Variants in GRM7 observed in about 807,000 individuals in gnomAD.
The protein encoded by GRM7 is metabotropic glutamate receptor 7.
In GRM7, 35 loss-of-function variants were observed where a neutral mutation model predicts 84.5. The observed-to-expected ratio is 0.41, with a 90% CI of 0.32 to 0.55. The LOEUF is 0.55. GRM7 is among the 20% of genes least tolerant of loss of function. The probability of loss-of-function intolerance (pLI) is 0.19; values close to 1 mark genes in which losing one functional copy is unlikely to be tolerated. For missense variants in GRM7, 1,003 were observed against 1,194.6 expected, an observed-to-expected ratio of 0.84 and a Z score of 2.36; for synonymous variants, 487 against 455.1, an observed-to-expected ratio of 1.07 and a Z score of -0.89.
At chr3:7,038,039 A>G (rs985179640) in intron 1 of GRM7, among the ~76,000 whole-genome samples, 1 of 152,214 alleles carries the variant, frequency 6.6e-6, no homozygotes, top group Admixed American at 6.5e-5. Flanking sequence ...ATTTCAGTCA[A>G]TAAAAAGGGC....
intron 4 of GRM7, among the ~76,000 whole-genome samples, chr3:7,386,273 T>C (rs1036911324): frequency 1.3e-5 from 2 of 152,242 alleles, no homozygotes; most frequent in Non-Finnish European, 2.9e-5. Context: ...TCTTTTTTAA[T>C]GTTTTTAAAA....
At chr3:7,075,585 G>A (rs1159670580) in intron 1 of GRM7, among the ~76,000 whole-genome samples, 1 of 150,274 alleles carries the variant, frequency 6.7e-6, no homozygotes, top group Non-Finnish European at 1.5e-5. Context: ...GGCTGGAGTG[G>A]CATGATCTCA....
At chr3:7,406,123 T>C (rs1004727417) in intron 4 of GRM7, among the ~76,000 whole-genome samples, 1 of 152,166 alleles carries the variant, frequency 6.6e-6, no homozygotes, top group African/African-American at 2.4e-5. Flanking sequence ...TATTTAATCA[T>C]GTGTTTTGGG....
intron 1 of GRM7, among the ~76,000 whole-genome samples, chr3:7,052,720 G>GTTTT (rs372132445): frequency 9.8e-6 from 1 of 101,564 alleles, no homozygotes; most frequent in Admixed American, 9.4e-5. Context: ...AGTATCGGTA[G>GTTTT]TTTTTTTTTT....
chr3:7,149,796 G>A (rs1013771204), intron 2 of GRM7, among the ~76,000 whole-genome samples: 15 of 152,188 alleles, frequency 9.9e-5, no homozygotes, highest in Admixed American at 8.5e-4. Context: ...ATAAGATGGT[G>A]CATGGGGAAG....
chr3:7,011,526 A>G (rs938880175), intron 1 of GRM7, among the ~76,000 whole-genome samples: 3 of 152,164 alleles, frequency 2.0e-5, no homozygotes, highest in Non-Finnish European at 2.9e-5. Flanking sequence ...CTTTGCATGC[A>G]CTTTTTATAC....
chr3:7,288,913 T>C (rs1428495010), intron 2 of GRM7, among the ~76,000 whole-genome samples: 2 of 152,176 alleles, frequency 1.3e-5, no homozygotes, highest in Non-Finnish European at 2.9e-5. Flanking sequence ...GTTTTCTGGA[T>C]GGATCCCACA....
intron 1 of GRM7, among the ~76,000 whole-genome samples, chr3:6,943,885 G>A (rs1243349504): frequency 2.0e-5 from 3 of 151,978 alleles, no homozygotes; most frequent in African/African-American, 7.2e-5. Flanking sequence ...AAGTGTACGG[G>A]TGTTGTACAT....
intron 9 of GRM7, chr3:7,682,377 G>T (rs1265024090): frequency 1.4e-5 from 2 of 146,434 alleles, no homozygotes; most frequent in South Asian, 2.2e-4. Flanking sequence ...AAAAAGAGAA[G>T]AATTTATATG....
At chr3:7,221,956 G>C (rs149748055) in intron 2 of GRM7, among the ~76,000 whole-genome samples, 1 of 151,526 alleles carries the variant, frequency 6.6e-6, no homozygotes. Context: ...ATAGGCACCC[G>C]CTACCACACC....
chr3:7,027,230 C>T (rs1191709603), intron 1 of GRM7, among the ~76,000 whole-genome samples: 1 of 152,146 alleles, frequency 6.6e-6, no homozygotes, highest in African/African-American at 2.4e-5. Context: ...GGACCACAAA[C>T]TGCTGGCTCA....
intron 9 of GRM7, chr3:7,680,895 A>C (rs1700341501): frequency 6.5e-6 from 1 of 152,894 alleles, no homozygotes. Flanking sequence ...ATTCTATGCA[A>C]GACAAACCTT....
intron 8 of GRM7, among the ~76,000 whole-genome samples, chr3:7,665,311 A>G (rs944275846): frequency 1.3e-5 from 2 of 151,540 alleles, no homozygotes; most frequent in African/African-American, 2.4e-5. Flanking sequence ...AGCTGGGACT[A>G]CAGGTGCCCG....
chr3:7,439,120 C>A (rs550499635), intron 5 of GRM7, among the ~76,000 whole-genome samples: 1 of 152,172 alleles, frequency 6.6e-6, no homozygotes, highest in East Asian at 1.9e-4. Flanking sequence ...CCCTGAGACT[C>A]ATAAGGAGGG....
chr3:7,030,419 C>G (rs947672587), intron 1 of GRM7, among the ~76,000 whole-genome samples: 1 of 152,114 alleles, frequency 6.6e-6, no homozygotes, highest in Non-Finnish European at 1.5e-5. Flanking sequence ...GATTTTCTCA[C>G]AGATACACAC....
intron 1 of GRM7, among the ~76,000 whole-genome samples, chr3:6,954,224 T>C (rs1408366387): frequency 1.3e-5 from 2 of 152,222 alleles, no homozygotes; most frequent in Non-Finnish European, 2.9e-5. Context: ...CAGTGTGTTG[T>C]GTACATGTCA....
At chr3:6,985,754 GC>G (rs1288053295) in intron 1 of GRM7, among the ~76,000 whole-genome samples, 3 of 152,150 alleles carry the variant, frequency 2.0e-5, no homozygotes, top group Admixed American at 2.0e-4. Flanking sequence ...AAGCAGTTGG[GC>G]CTAGCAGGAA....
At chr3:7,701,528 C>A (rs1300160631) in intron 9 of GRM7, among the ~76,000 whole-genome samples, 1 of 152,064 alleles carries the variant, frequency 6.6e-6, no homozygotes, top group Non-Finnish European at 1.5e-5. Context: ...TGGTCTCGAT[C>A]TCCTGACCTC....
intron 4 of GRM7, among the ~76,000 whole-genome samples, chr3:7,313,404 C>T (rs1244773364): frequency 6.6e-6 from 1 of 152,172 alleles, no homozygotes; most frequent in Non-Finnish European, 1.5e-5. Context: ...CTGGAATTAT[C>T]TACATTAGTA....
Sources: allele counts gnomAD v4.1 joint callset (sites outside exome capture counted in the v4.1 genomes callset), GRCh38; gene constraint gnomAD v4.1.1; transcripts MANE v1.5; gene names NCBI Gene and HGNC (gene_info 2026-07-23, HGNC 2026-07-21).